TVP23A: variants seen among roughly 807,000 people sequenced by gnomAD.
The protein encoded by TVP23A is trans-golgi network vesicle protein 23 homolog A, also known as Golgi apparatus membrane protein TVP23 homolog A.
In TVP23A, 21 loss-of-function variants were observed where a neutral mutation model predicts 31.7. The observed-to-expected ratio is 0.66, with a 90% confidence interval of 0.47 to 0.95. TVP23A has a LOEUF of 0.95. Among genes scored for constraint, TVP23A ranks in the 40% least tolerant of loss-of-function variants. The pLI, the probability that TVP23A is intolerant of heterozygous loss-of-function variation, is 0.00. For missense variants in TVP23A, 279 were observed against 255.6 expected (o/e 1.09, Z -0.62); for synonymous variants, 104 against 96.0 (o/e 1.08, Z -0.49).
chr16:10,787,021 G>T lies in TVP23A; in HGVS notation c.90-11925C>A, dbSNP rs558034807. ...TACATGAAGAAAATTCCAGAAAGCA[G>T]GTCCTTTCTTCTGGGCTTACCAGTT... On this transcript the variant is annotated intron_variant, in intron 2 of 7. Coordinates refer to ENST00000299866, the MANE Select transcript of TVP23A (RefSeq NM_001079512.4). Among the ~76,000 whole-genome samples the T allele has an allele frequency of 3.9e-5, 6 of 152,114 alleles. No homozygotes were observed. The South Asian group carries it at 8.3e-4, about 21-fold the overall frequency.
chr16:10,773,646 C>T (rs1274285367), intron 4 of TVP23A, among the ~76,000 whole-genome samples: 1 of 152,194 alleles, frequency 6.6e-6, no homozygotes, highest in Non-Finnish European at 1.5e-5. Flanking sequence ...TCTTGGCTCA[C>T]TGGAACCTCC....
intron 2 of TVP23A, among the ~76,000 whole-genome samples, chr16:10,805,288 TC>T (rs745726194): frequency 2.0e-5 from 3 of 152,022 alleles, no homozygotes; most frequent in Non-Finnish European, 4.4e-5. Context: ...CACCTCAGCC[TC>T]CCAAAGTGCT....
intron 2 of TVP23A, among the ~76,000 whole-genome samples, chr16:10,795,607 G>T (rs895647579): frequency 6.6e-6 from 1 of 152,068 alleles, no homozygotes; most frequent in East Asian, 1.9e-4. Flanking sequence ...GCAGGGGACC[G>T]AACTCATTAC....
chr16:10,801,390 CA>C (rs2142997593), intron 2 of TVP23A, among the ~76,000 whole-genome samples: 1 of 152,246 alleles, frequency 6.6e-6, no homozygotes, highest in African/African-American at 2.4e-5. Context: ...CAAAAATGTC[CA>C]TGTCATGAGA....
intron 2 of TVP23A, among the ~76,000 whole-genome samples, chr16:10,801,111 T>C (rs1242534797): frequency 6.6e-6 from 1 of 152,170 alleles, no homozygotes; most frequent in Non-Finnish European, 1.5e-5. Context: ...TAAGGAGTCC[T>C]GGGTTCTTTG....
exon 9 of TVP23A, chr16:10,761,541 G>T (rs1340623758): frequency 6.7e-6 from 9 of 1,340,928 alleles, no homozygotes; most frequent in Non-Finnish European, 8.5e-6. Flanking sequence ...CGATCGGAAG[G>T]CTGCTCTGCA....
rs568719418 is a variant in TVP23A, at chr16:10,779,009, G to A, written c.90-3913C>T. 7.9e-5 allele frequency among the ~76,000 whole-genome samples: 12 copies of A among 152,290 alleles called. No homozygotes were observed. The highest frequency in any genetic ancestry group is 1.3e-4 in the Non-Finnish European group (9 of 68,026). On this transcript the variant is annotated intron_variant, in intron 2 of 7. Coordinates refer to ENST00000299866, the MANE Select transcript of TVP23A (RefSeq NM_001079512.4). This position sits in a 1 kb window ranked among gnomAD's most constrained non-coding sequence, Gnocchi z 4.9. Reference sequence around the variant, plus strand: ...ATGTCAAAGTGTGAGCCAAGTGTGCGCTGACCCATGGTAAAATGTGGAAGT... The same window carrying A: ...ATGTCAAAGTGTGAGCCAAGTGTGCACTGACCCATGGTAAAATGTGGAAGT...
downstream of TVP23A, among the ~76,000 whole-genome samples, chr16:10,762,651 G>A (rs2030135781): frequency 6.6e-6 from 1 of 152,236 alleles, no homozygotes; most frequent in Non-Finnish European, 1.5e-5. Flanking sequence ...GAGAAGGCTG[G>A]AGGGGAGGCC....
In TVP23A at chr16:10,818,560, G is replaced by A. The variant is rs1445435010; in HGVS notation, c.-67C>T. 2.6e-6 allele frequency: 4 copies of A among 1,564,598 alleles called. No homozygotes were observed. In the African/African-American group the frequency reaches 4.1e-5, roughly 16 times the overall value. Reference sequence around the variant, plus strand: ...CAGCTCCGCCCGTCGCCGCTGAAGGGGTCGGACGCCGGGCGGGCGGATGTA... The same window carrying A: ...CAGCTCCGCCCGTCGCCGCTGAAGGAGTCGGACGCCGGGCGGGCGGATGTA... On this transcript the variant is annotated 5_prime_UTR_variant, in exon 1 of 8. Coordinates refer to ENST00000299866, the MANE Select transcript of TVP23A (RefSeq NM_001079512.4). The surrounding 1 kb of genome is among the most constrained non-coding windows in gnomAD (Gnocchi z 4.7).
At chr16:10,802,475 T>C (rs1480642813) in intron 2 of TVP23A, among the ~76,000 whole-genome samples, 1 of 152,040 alleles carries the variant, frequency 6.6e-6, no homozygotes, top group Admixed American at 6.6e-5. Flanking sequence ...AGACGGGGTT[T>C]TGCCATGTTG....
chr16:10,766,554 G>T (rs182141490), downstream of TVP23A: 49 of 162,534 alleles, frequency 3.0e-4, 1 homozygote, highest in East Asian at 8.6e-3. This position sits in a 1 kb window ranked among gnomAD's most constrained non-coding sequence, Gnocchi z 4.8. Flanking sequence ...GTCTGGCCCA[G>T]CGAACGTGCA....
Position 10,768,749 on chromosome 16 carries a change from T to C in TVP23A, c.*353A>G. On this transcript the variant is annotated 3_prime_UTR_variant, in exon 8 of 8. Coordinates refer to ENST00000299866, the MANE Select transcript of TVP23A (RefSeq NM_001079512.4). The surrounding 1 kb of genome is among the most constrained non-coding windows in gnomAD (Gnocchi z 4.3). Reference sequence around the variant, plus strand: ...TTGTTAAAGCTGTGGTCTCTGAGTTTGTGGCTGGGTTTTACTTGCCTAGAA... The same window carrying C: ...TTGTTAAAGCTGTGGTCTCTGAGTTCGTGGCTGGGTTTTACTTGCCTAGAA... The C allele has an allele frequency of 3.1e-6, 1 of 321,136 alleles. No homozygotes were observed. The highest frequency in any genetic ancestry group is 8.4e-4 in the Middle Eastern group (1 of 1,190). The allele number at this position is 321,136 out of a possible 1,614,324, so 19.9% of individuals were successfully genotyped here. A position where few individuals can be genotyped will look rare whatever the true frequency, so the allele number is the denominator to read the frequency against.
downstream of TVP23A, among the ~76,000 whole-genome samples, chr16:10,760,119 G>A (rs566218146): frequency 2.0e-5 from 3 of 152,362 alleles, no homozygotes; most frequent in South Asian, 4.1e-4. Context: ...TCCACATTGG[G>A]CAGTATTCCT....
At chr16:10,762,648 C>T (rs2030134756), downstream of TVP23A, among the ~76,000 whole-genome samples, 1 of 152,216 alleles carries the variant, frequency 6.6e-6, no homozygotes, top group African/African-American at 2.4e-5. Context: ...AGAGAGAAGG[C>T]TGGAGGGGAG....
At chr16:10,778,742 G>C (rs1345773063) in intron 2 of TVP23A, among the ~76,000 whole-genome samples, 1 of 151,988 alleles carries the variant, frequency 6.6e-6, no homozygotes, top group African/African-American at 2.4e-5. Context: ...GAGGCGGCTG[G>C]ATCACTTGAA....
intron 2 of TVP23A, among the ~76,000 whole-genome samples, chr16:10,794,551 A>T (rs1224202985): frequency 6.6e-6 from 1 of 152,222 alleles, no homozygotes; most frequent in African/African-American, 2.4e-5. Flanking sequence ...AAAATAAGTG[A>T]GGTAGGAAGA....
intron 4 of TVP23A, 34 bp downstream of exon 4, chr16:10,774,005 C>A: frequency 1.9e-6 from 3 of 1,547,234 alleles, no homozygotes; most frequent in Middle Eastern, 1.7e-4. Context: ...CCATTATCCC[C>A]GCTCTGGTTA....
intron 2 of TVP23A, among the ~76,000 whole-genome samples, chr16:10,789,539 T>C (rs942042592): frequency 6.6e-6 from 1 of 151,624 alleles, no homozygotes; most frequent in African/African-American, 2.4e-5. Context: ...ATTCAAGATA[T>C]ACATTGGGGC....
rs145772156 is a variant in TVP23A at position 10,774,955 on chromosome 16, C to G, written c.231G>C (p.Val77=). Residue 77 remains valine, a synonymous_variant, in exon 3 of 8, where the codon GTG becomes GTC. Transcript: ENST00000299866. ...ACATCACACGAAAGGGCCTCACCTT[C>G]ACAGACCAGAAGTCCAGGGACAGGA... is the stretch of plus-strand genomic sequence containing the variant. ...LLLLSLDFWS[V]KNVTGRLLVG... 2.0e-4 allele frequency: 329 copies of G among 1,612,720 alleles called. 3 individuals are homozygous for G. The African/African-American group carries it at 4.0e-3, about 19-fold the overall frequency.
Sources: gnomAD v4.1 joint callset for allele counts (sites outside exome capture counted in the v4.1 genomes callset) on GRCh38, gnomAD v4.1.1 for gene constraint, Gnocchi (gnomAD v3.1) non-coding constraint, MANE v1.5 for transcripts, NCBI Gene and HGNC (gene_info 2026-07-23, HGNC 2026-07-21) for gene names.